Variants in RTTN observed in about 807,000 individuals in gnomAD.
RTTN encodes rotatin.
In RTTN, 182 loss-of-function variants were observed where a neutral mutation model predicts 269.2. The observed-to-expected ratio is 0.68, with a 90% confidence interval of 0.60 to 0.76. The LOEUF is 0.76. RTTN is among the 30% of genes least tolerant of loss of function. RTTN has a pLI of 0.00. For missense variants in RTTN, 2,545 were observed against 2,608.6 expected (o/e 0.98, Z 0.53); for synonymous variants, 1,006 against 963.5 (o/e 1.04, Z -0.82).
intron 40 of RTTN, 25 bp from the exon 41 acceptor site, chr18:70,031,006 C>T (rs757428738): frequency 3.9e-6 from 6 of 1,520,288 alleles, no homozygotes; most frequent in Non-Finnish European, 5.4e-6. Context: ...AATCAAACTG[C>T]CTTGAAGAAA....
chr18:70,073,873 A>C, intron 34 of RTTN, 33 bp downstream of exon 34: 1 of 1,516,604 alleles, frequency 6.6e-7, no homozygotes, highest in Non-Finnish European at 9.1e-7. Context: ...TCAGAGATTC[A>C]AAATAAAGGA....
intron 10 of RTTN, among the ~76,000 whole-genome samples, chr18:70,178,249 G>A (rs112633314): frequency 0.012 from 1,886 of 152,268 alleles, 23 homozygotes; most frequent in South Asian, 0.037. Flanking sequence ...AGAAAAGGGT[G>A]TTGAGCATTC....
chr18:70,036,922 C>T (rs943144004), intron 40 of RTTN, among the ~76,000 whole-genome samples: 1 of 152,222 alleles, frequency 6.6e-6, no homozygotes, highest in Non-Finnish European at 1.5e-5. Flanking sequence ...CACCACCCCT[C>T]CCCTATCTAT....
chr18:70,030,561 C>T (rs567134376), intron 41 of RTTN, among the ~76,000 whole-genome samples: 2 of 152,198 alleles, frequency 1.3e-5, no homozygotes, highest in East Asian at 3.9e-4. Context: ...GCAGTGAGTG[C>T]TTCTGGATAG....
intron 27 of RTTN, among the ~76,000 whole-genome samples, chr18:70,111,359 A>G (rs1370674504): frequency 6.6e-6 from 1 of 152,188 alleles, no homozygotes; most frequent in Non-Finnish European, 1.5e-5. Context: ...CTTCCAGAGG[A>G]AAGATCAGGC....
chr18:70,087,217 A>G (rs1172190487), intron 31 of RTTN, among the ~76,000 whole-genome samples: 2 of 152,200 alleles, frequency 1.3e-5, no homozygotes, highest in African/African-American at 4.8e-5. Flanking sequence ...TACAAATAGG[A>G]GCATTGATTG....
At chr18:70,151,544 T>C (rs1174816953) in intron 14 of RTTN, among the ~76,000 whole-genome samples, 2 of 152,138 alleles carry the variant, frequency 1.3e-5, no homozygotes, top group Non-Finnish European at 2.9e-5. Flanking sequence ...AATTCAAAGG[T>C]CAAAAAGTTA....
intron 45 of RTTN, among the ~76,000 whole-genome samples, chr18:70,018,827 T>A (rs1331629594): frequency 3.6e-4 from 3 of 8,276 alleles, no homozygotes; most frequent in Non-Finnish European, 1.9e-3. Context: ...TGGGCACTCC[T>A]TTTTTTTTTT....
At chr18:70,075,089 A>AC (rs1313188998) in intron 33 of RTTN, 1 of 268,494 alleles carries the variant, frequency 3.7e-6, no homozygotes, top group Non-Finnish European at 6.8e-6. Flanking sequence ...TTTATAACAT[A>AC]GAAAAATGCT....
chr18:70,073,740 T>C (rs1377462019), intron 34 of RTTN, among the ~76,000 whole-genome samples, 166 bp downstream of exon 34: 1 of 152,194 alleles, frequency 6.6e-6, no homozygotes, highest in African/African-American at 2.4e-5. Flanking sequence ...AATGTATGAC[T>C]GATGTGCAGC....
At chr18:70,178,131 C>T (rs1278722410) in intron 10 of RTTN, among the ~76,000 whole-genome samples, 1 of 151,984 alleles carries the variant, frequency 6.6e-6, no homozygotes, top group East Asian at 1.9e-4. Flanking sequence ...GCCTGTAATC[C>T]CAGCAGGATT....
At position 70,017,522 on chromosome 18, in the gene RTTN, T is replaced by C; in HGVS notation, c.6306A>G (p.Leu2102=). Reference sequence around the variant, plus strand: ...ATTTGCTCATCTCTGTTAGTAAGTCTAGACAGCCATCAAGCCTCAGAATCA... The same window carrying C: ...ATTTGCTCATCTCTGTTAGTAAGTCCAGACAGCCATCAAGCCTCAGAATCA... The part of the protein sequence containing the change: ...QQMILRLDGC[L]DLLTEMSKYK... The change falls in exon 46 of 49, where the codon CTA becomes CTG. Residue 2102 remains leucine, a synonymous_variant. Transcript: ENST00000640769. 6.2e-7 allele frequency: 1 copy of C among 1,614,088 alleles called. No homozygotes were observed. Among genetic ancestry groups the C allele is most frequent in the Non-Finnish European group, 8.5e-7 (1 of 1,179,976 alleles).
In RTTN at chr18:70,042,426, A is replaced by AGTG. The variant is rs569692144; in HGVS notation, c.5541+5542_5541+5544dup. ...AGTCTCGCTCTGTCGCCCAGGATAG[A>AGTG]GTGCAGTGGCGTGATCTCTGCTCAC... On this transcript the variant is annotated intron_variant, in intron 40 of 48. Transcript: ENST00000640769. 2.1e-3 allele frequency among the ~76,000 whole-genome samples: 263 copies of AGTG among 127,028 alleles called. 4 individuals are homozygous for AGTG. The South Asian group carries it at 0.022, about 11-fold the overall frequency. The allele number at this position is 127,028 out of a possible 152,430, so 83.3% of individuals were successfully genotyped here.
chr18:70,008,768 A>C (rs932136692), intron 46 of RTTN: 1 of 152,134 alleles, frequency 6.6e-6, no homozygotes, highest in African/African-American at 2.4e-5. Flanking sequence ...TGTGAAAAGA[A>C]GCAACCTATG....
In RTTN at chr18:70,133,119, G is replaced by T. The variant is rs1329852557; in HGVS notation, c.2954+1354C>A. Among the ~76,000 whole-genome samples the T allele has an allele frequency of 2.0e-5, 3 of 152,246 alleles. No individual in the cohort carries two copies. In the East Asian group the frequency reaches 5.8e-4, roughly 29 times the overall value. ...AAGCAACCTGGAAACTATGCCTACA[G>T]CACACTTACTAGAGAACATATTTTC... is the stretch of plus-strand genomic sequence containing the variant. On this transcript the variant is annotated intron_variant, in intron 23 of 48. Transcript: ENST00000640769.
chr18:70,106,253 G>T (rs895319100), intron 28 of RTTN, among the ~76,000 whole-genome samples: 1 of 152,192 alleles, frequency 6.6e-6, no homozygotes, highest in Non-Finnish European at 1.5e-5. Context: ...GCTGAGGTGG[G>T]AAGATCACTT....
chr18:70,140,708 T>C (rs540295414), intron 19 of RTTN, among the ~76,000 whole-genome samples: 4 of 152,202 alleles, frequency 2.6e-5, no homozygotes, highest in South Asian at 2.1e-4. Flanking sequence ...TCTGGAGAAC[T>C]TGAGCTTCTT....
At chr18:70,014,297 A>G (rs931588361) in intron 46 of RTTN, among the ~76,000 whole-genome samples, 1 of 152,168 alleles carries the variant, frequency 6.6e-6, no homozygotes, top group African/African-American at 2.4e-5. Flanking sequence ...AAAATTTTCA[A>G]GCTTGTCATT....
At chr18:70,119,568 A>G (rs2059685088) in intron 26 of RTTN, among the ~76,000 whole-genome samples, 1 of 152,152 alleles carries the variant, frequency 6.6e-6, no homozygotes. Flanking sequence ...ACCAGCAAGG[A>G]CATCAAGATA....
Sources: allele counts gnomAD v4.1 joint callset (sites outside exome capture counted in the v4.1 genomes callset), GRCh38; gene constraint gnomAD v4.1.1; transcripts MANE v1.5; gene names NCBI Gene and HGNC (gene_info 2026-07-23, HGNC 2026-07-21).